SCGB2B2: variants seen among roughly 807,000 people sequenced by gnomAD.
The protein encoded by SCGB2B2 is secretoglobin-like protein.
A neutral mutation model predicts 7.6 loss-of-function variants in SCGB2B2; 11 were observed. The ratio of observed to expected loss-of-function variants is 1.45; its 90% CI spans 0.91 to 2.40. The LOEUF is 2.40. SCGB2B2 is among the 30% of genes most tolerant of loss of function. The probability of loss-of-function intolerance (pLI) is 0.00; values close to 1 mark genes in which losing one functional copy is unlikely to be tolerated. For missense variants in SCGB2B2, 104 were observed against 115.4 expected (o/e 0.90, Z 0.45); for synonymous variants, 50 against 48.6 (o/e 1.03, Z -0.12).
intron 1 of SCGB2B2, among the ~76,000 whole-genome samples, chr19:34,673,632 C>A (rs745470960): frequency 1.3e-4 from 19 of 151,974 alleles, no homozygotes; most frequent in Non-Finnish European, 2.6e-4. Context: ...GGTGAGCAGG[C>A]AGAATAAAAA....
chr19:34,627,754 C>T (rs1219924907), intron 1 of SCGB2B2, among the ~76,000 whole-genome samples: 1 of 152,202 alleles, frequency 6.6e-6, no homozygotes, highest in Non-Finnish European at 1.5e-5. Flanking sequence ...TTCAACTCCG[C>T]TCTGCACCAA....
chr19:34,653,532 A>G (rs569756906), intron 1 of SCGB2B2, among the ~76,000 whole-genome samples: 1 of 151,274 alleles, frequency 6.6e-6, no homozygotes, highest in South Asian at 2.1e-4. Context: ...GAAGAAAAGA[A>G]AAAAAGCTAC....
chr19:34,655,498 T>C (rs1246234017), intron 1 of SCGB2B2, among the ~76,000 whole-genome samples: 1 of 151,118 alleles, frequency 6.6e-6, no homozygotes, highest in Non-Finnish European at 1.5e-5. Context: ...CTTCAAGTTG[T>C]CCTCTTGCCC....
In SCGB2B2 at chr19:34,655,761, T is replaced by C. The variant is rs534090823; in HGVS notation, c.-2032+19869A>G. The stretch of plus-strand genomic sequence containing the variant: ...AGTTAAGGGAAACCAATAAGAAAAG[T>C]GAGAAACCCAAGGCAAGCAAGAGCA... On this transcript the variant is annotated intron_variant, in intron 1 of 3. Coordinates refer to ENST00000601241, the MANE Select transcript of SCGB2B2 (RefSeq NM_001025591.4). 1.7e-4 allele frequency among the ~76,000 whole-genome samples: 26 copies of C among 151,132 alleles called. 1 individual carries two copies. The South Asian group carries it at 5.4e-3, about 31-fold the overall frequency.
At position 34,592,957 on chromosome 19, in the gene SCGB2B2, G is replaced by T. The variant is rs903327856; in HGVS notation, c.*598C>A. Among the ~76,000 whole-genome samples the T allele has an allele frequency of 6.6e-6, 1 of 152,094 alleles. No homozygotes were observed. Among genetic ancestry groups the T allele is most frequent in the African/African-American group, 2.4e-5 (1 of 41,422 alleles). On this transcript the variant is annotated 3_prime_UTR_variant, in exon 4 of 4. Coordinates refer to ENST00000601241, the MANE Select transcript of SCGB2B2 (RefSeq NM_001025591.4). Reference sequence around the variant, plus strand: ...TTGAGGGGTTGTGGGGTAGAGGTAGGGGGAGAAAAAAGGACAGCTTGGGTA... The same window carrying T: ...TTGAGGGGTTGTGGGGTAGAGGTAGTGGGAGAAAAAAGGACAGCTTGGGTA...
At position 34,593,373 on chromosome 19, in the gene SCGB2B2, C is replaced by A. The variant is rs544217281; in HGVS notation, c.*182G>T. 5.4e-6 allele frequency: 3 copies of A among 553,220 alleles called. No homozygotes were observed. The highest frequency in any genetic ancestry group is 9.7e-6 in the Non-Finnish European group (3 of 308,516). The allele number at this position is 553,220 out of a possible 1,614,324, so 34.3% of individuals were successfully genotyped here. A position where few individuals can be genotyped will look rare whatever the true frequency, so the allele number is the denominator to read the frequency against. ...TTTTCCTCAGTCGCATATTTTCACA[C>A]TGGGACCCTGGTCACACTCTGCATA... is the stretch of plus-strand genomic sequence containing the variant. On this transcript the variant is annotated 3_prime_UTR_variant, in exon 4 of 4. Coordinates refer to ENST00000601241, the MANE Select transcript of SCGB2B2 (RefSeq NM_001025591.4).
rs571109811 is a variant in SCGB2B2, at chr19:34,652,890, G to C, written c.-2032+22740C>G. Among the ~76,000 whole-genome samples the C allele has an allele frequency of 1.9e-4, 29 of 151,436 alleles. 1 individual carries two copies. Among genetic ancestry groups the C allele is most frequent in the African/African-American group, 7.1e-4 (29 of 40,742 alleles). ...GGCAAAAGGAAATCAGTATATCAAA[G>C]AGATATCTGCACTCTCATGTTTATT... On this transcript the variant is annotated intron_variant, in intron 1 of 3. Coordinates refer to ENST00000601241, the MANE Select transcript of SCGB2B2 (RefSeq NM_001025591.4).
intron 1 of SCGB2B2, among the ~76,000 whole-genome samples, chr19:34,640,047 A>G (rs1279141554): frequency 1.3e-5 from 2 of 152,214 alleles, no homozygotes; most frequent in Non-Finnish European, 2.9e-5. Context: ...GTGGTTCAGT[A>G]GAAGCCACCC....
At chr19:34,623,335 C>A (rs776984841) in intron 1 of SCGB2B2, among the ~76,000 whole-genome samples, 2 of 152,122 alleles carry the variant, frequency 1.3e-5, no homozygotes, top group African/African-American at 2.4e-5. Flanking sequence ...AAAGTGCAGG[C>A]TTGAAGATGG....
In SCGB2B2 at chr19:34,635,129, C is replaced by T. The variant is rs377589743; in HGVS notation, c.-2031-38535G>A. The T allele has an allele frequency of 1.2e-4, 34 of 280,690 alleles. 2 individuals are homozygous for T. The South Asian group carries it at 1.6e-3, about 13-fold the overall frequency. 17.4% of individuals were successfully genotyped at this position (280,690 alleles called of 1,614,324 possible). A position where few individuals can be genotyped will look rare whatever the true frequency, so the allele number is the denominator to read the frequency against. ...GCCCCAGTGTGAATTCTCTGGTGTT[C>T]AATAAGGCCATAGCTTTGTCTAAAG... On this transcript the variant is annotated intron_variant, in intron 1 of 3. Transcript: ENST00000601241.
At chr19:34,630,183 C>T (rs2066490171) in intron 1 of SCGB2B2, among the ~76,000 whole-genome samples, 1 of 151,840 alleles carries the variant, frequency 6.6e-6, no homozygotes, top group African/African-American at 2.4e-5. Context: ...TAGGCAGTAC[C>T]ATTCAGGACA....
intron 1 of SCGB2B2, among the ~76,000 whole-genome samples, chr19:34,658,815 A>AC (rs748899121): frequency 0.32 from 35,040 of 110,858 alleles, 5,342 homozygotes; most frequent in Non-Finnish European, 0.39. Context: ...AACAACAACA[A>AC]AAAAAAAAAA....
intron 1 of SCGB2B2, among the ~76,000 whole-genome samples, chr19:34,675,380 C>T (rs777098086): frequency 2.2e-4 from 33 of 152,294 alleles, no homozygotes; most frequent in Non-Finnish European, 4.0e-4. Flanking sequence ...AATTCACAAC[C>T]ACACCCACAG....
chr19:34,615,887 G>A (rs2066063060), intron 1 of SCGB2B2, among the ~76,000 whole-genome samples: 1 of 139,540 alleles, frequency 7.2e-6, no homozygotes, highest in South Asian at 2.2e-4. Context: ...CCCTTCCTGT[G>A]TCCATGTGTT....
chr19:34,672,974 G>A (rs377021728), intron 1 of SCGB2B2, among the ~76,000 whole-genome samples: 5 of 152,178 alleles, frequency 3.3e-5, no homozygotes, highest in African/African-American at 7.2e-5. Context: ...ATTCTGTGGC[G>A]GGGGCGGGGG....
At chr19:34,653,807 G>A (rs2067219404) in intron 1 of SCGB2B2, among the ~76,000 whole-genome samples, 1 of 150,930 alleles carries the variant, frequency 6.6e-6, no homozygotes, top group Non-Finnish European at 1.5e-5. Flanking sequence ...AGATACTGAA[G>A]GAACTTACCT....
intron 1 of SCGB2B2, among the ~76,000 whole-genome samples, chr19:34,610,425 G>A (rs1363114580): frequency 1.3e-5 from 2 of 152,080 alleles, no homozygotes; most frequent in Non-Finnish European, 2.9e-5. Flanking sequence ...TCTTTATTCA[G>A]TATGATTTTG....
chr19:34,662,880 G>A (rs560960221), intron 1 of SCGB2B2, among the ~76,000 whole-genome samples: 23 of 152,162 alleles, frequency 1.5e-4, no homozygotes, highest in Admixed American at 2.6e-4. Context: ...GCAGTGAACC[G>A]AGATCATGCC....
At chr19:34,599,529 T>C (rs1219370965) in intron 1 of SCGB2B2, among the ~76,000 whole-genome samples, 1 of 152,168 alleles carries the variant, frequency 6.6e-6, no homozygotes, top group Non-Finnish European at 1.5e-5. Flanking sequence ...GGTTTCCCCT[T>C]ATCAAACCAT....
Sources: allele counts gnomAD v4.1 joint callset (sites outside exome capture counted in the v4.1 genomes callset), GRCh38; gene constraint gnomAD v4.1.1; transcripts MANE v1.5; gene names NCBI Gene and HGNC (gene_info 2026-07-23, HGNC 2026-07-21).